The following MRC2 variants were observed in gnomAD, a reference collection of about 807,000 sequenced individuals.
MRC2 encodes mannose receptor C-type 2, also known as C-type mannose receptor 2.
Under a neutral mutation model 206.2 loss-of-function variants are expected in MRC2, and 84 were observed. The ratio of observed to expected loss-of-function variants is 0.41; its 90% CI spans 0.34 to 0.49. The LOEUF is 0.49. Among genes scored for constraint, MRC2 ranks in the 20% least tolerant of loss-of-function variants. MRC2 has a pLI of 0.31. For missense variants in MRC2, 1,676 were observed against 2,001.5 expected, an observed-to-expected ratio of 0.84 and a Z score of 3.10; for synonymous variants, 798 against 800.0, an observed-to-expected ratio of 1.00 and a Z score of 0.04.
chr17:62,679,876 A>G lies in MRC2; in HGVS notation c.2272A>G (p.Ser758Gly). ...CCGTCGGGATCCCAGAGGGGGTCAG[A>G]GTTGGCGCTGGAGCGACGGCGTAGG... is the stretch of plus-strand genomic sequence containing the variant. ...LNRRDPRGGQ[S>G]WRWSDGVGFS... is the part of the protein sequence containing the mutation. The change falls in exon 14 of 30, where the codon AGT becomes GGT. Residue 758 changes from serine to glycine, a missense_variant. Coordinates refer to ENST00000303375, the MANE Select transcript of MRC2 (RefSeq NM_006039.5). The G allele has an allele frequency of 6.3e-7, 1 of 1,593,766 alleles. No individual in the cohort carries two copies. Among genetic ancestry groups the G allele is most frequent in the Non-Finnish European group, 8.6e-7 (1 of 1,168,766 alleles).
chr17:62,663,982 C>T (rs1419557365), intron 1 of MRC2, among the ~76,000 whole-genome samples: 24 of 126,878 alleles, frequency 1.9e-4, no homozygotes, highest in African/African-American at 6.7e-4. Context: ...TTTTTTGAGA[C>T]GGAGTCTCGC....
chr17:62,664,180 C>T lies in MRC2; in HGVS notation c.119-368C>T, dbSNP rs1359468338. On this transcript the variant is annotated intron_variant, in intron 1 of 29. Coordinates refer to ENST00000303375, the MANE Select transcript of MRC2 (RefSeq NM_006039.5). This position sits in a 1 kb window ranked among gnomAD's most constrained non-coding sequence, Gnocchi z 4.7. ...TTCACCGTTTTAGCCGGGATGGTCT[C>T]GATCTCCTGACCTCGTGATCCGCCC... 1.1e-4 allele frequency among the ~76,000 whole-genome samples: 17 copies of T among 152,004 alleles called. No homozygotes were observed. In the East Asian group the frequency reaches 2.5e-3, roughly 23 times the overall value.
chr17:62,641,806 A>G (rs2088407609), intron 1 of MRC2, among the ~76,000 whole-genome samples: 1 of 152,152 alleles, frequency 6.6e-6, no homozygotes, highest in Non-Finnish European at 1.5e-5. Flanking sequence ...CACTGGAAAA[A>G]CTGAAAAAAT....
rs1168232368 is a variant in MRC2, at chr17:62,682,271, C to T, written c.2840C>T (p.Pro947Leu). ...WGDQRCLTAL[P>L]YICKRSNVTK... is the part of the protein sequence containing the mutation. ...GACCAGAGGTGCCTGACAGCCTTGCCCTACATCTGCAAGCGCAGCAACGTC... is the reference window on the plus strand; with the variant it reads ...GACCAGAGGTGCCTGACAGCCTTGCTCTACATCTGCAAGCGCAGCAACGTC... The change falls in exon 20 of 30, where the codon CCC becomes CTC. Residue 947 changes from proline (P) to leucine (L), a missense_variant. This residue lies in a region of MRC2 where 1,354 missense variants were observed against 1,636.6 expected (regional missense o/e 0.83). Transcript: ENST00000303375. 1 of 1,603,208 alleles carries T rather than the reference C, an allele frequency of 6.2e-7. No individual in the cohort carries two copies. Among genetic ancestry groups the T allele is most frequent in the Non-Finnish European group, 8.5e-7 (1 of 1,174,544 alleles).
intron 1 of MRC2, among the ~76,000 whole-genome samples, chr17:62,657,220 T>C (rs186471769): frequency 2.0e-5 from 3 of 152,194 alleles, no homozygotes; most frequent in Non-Finnish European, 4.4e-5. Flanking sequence ...CATGTCTTCA[T>C]TGTAGAGCCC....
intron 9 of MRC2, 27 bp downstream of exon 9, chr17:62,674,197 AGTG>A (rs1451181593): frequency 1.3e-6 from 2 of 1,501,958 alleles, no homozygotes; most frequent in Non-Finnish European, 1.8e-6. Context: ...AGCTGCCCTG[AGTG>A]GGGCCACCTG....
chr17:62,651,637 C>T (rs1433706458), intron 1 of MRC2, among the ~76,000 whole-genome samples: 1 of 152,172 alleles, frequency 6.6e-6, no homozygotes, highest in Non-Finnish European at 1.5e-5. Flanking sequence ...TGCAGTGGTG[C>T]GATCTGGGCT....
Position 62,688,978 on chromosome 17 carries a change from C to A in MRC2, c.3334+18C>A. On this transcript the variant is annotated intron_variant, in intron 23 of 29. Transcript: ENST00000303375. ...GGGCACGGGTATGTGTCACCAGTCA[C>A]CTGGGAAACCCCAGTGGGGCCCTGG... The A allele has an allele frequency of 6.2e-7, 1 of 1,601,972 alleles. No homozygotes were observed. The highest frequency in any genetic ancestry group is 2.2e-5 in the East Asian group (1 of 44,742).
intron 1 of MRC2, among the ~76,000 whole-genome samples, chr17:62,645,663 A>G (rs1479856013): frequency 6.7e-6 from 1 of 149,292 alleles, no homozygotes; most frequent in Non-Finnish European, 1.5e-5. Flanking sequence ...ACTCCTGAGT[A>G]AGCAGGACCA....
rs983712423 is a variant in MRC2, at chr17:62,646,259, C to T, written c.119-18289C>T. On this transcript the variant is annotated intron_variant, in intron 1 of 29. Coordinates refer to ENST00000303375, the MANE Select transcript of MRC2 (RefSeq NM_006039.5). ...CAGGATTGTCTTGATCTCCTGACCT[C>T]GTGATCCACCTGCCTCAGCCTCCCA... 4.0e-5 allele frequency among the ~76,000 whole-genome samples: 6 copies of T among 151,374 alleles called. 1 individual carries two copies. Among genetic ancestry groups the T allele is most frequent in the Admixed American group, 2.0e-4 (3 of 15,196 alleles).
At chr17:62,657,839 T>G (rs1324736912) in intron 1 of MRC2, among the ~76,000 whole-genome samples, 1 of 152,064 alleles carries the variant, frequency 6.6e-6, no homozygotes, top group Non-Finnish European at 1.5e-5. Flanking sequence ...CACTAGGCCT[T>G]GGAGAAAGAG....
At position 62,679,626 on chromosome 17, in the gene MRC2, C is replaced by T. The variant is rs79894221; in HGVS notation, c.2196-174C>T. ...CCCCAGCTCTGTCTTGTGGGGAGAA[C>T]TTTACCGAAGTGACCTCAACGCTGT... On this transcript the variant is annotated intron_variant, in intron 13 of 29. Transcript: ENST00000303375. 250 of 556,916 alleles carry T rather than the reference C, an allele frequency of 4.5e-4. 1 individual carries two copies. The highest frequency in any genetic ancestry group is 3.6e-3 in the African/African-American group (190 of 52,880). 34.5% of individuals were successfully genotyped at this position (556,916 alleles called of 1,614,324 possible). A position where few individuals can be genotyped will look rare whatever the true frequency, so the allele number is the denominator to read the frequency against.
chr17:62,665,140 C>G (rs942443890), intron 2 of MRC2, among the ~76,000 whole-genome samples, 191 bp downstream of exon 2: 1 of 152,206 alleles, frequency 6.6e-6, no homozygotes, highest in African/African-American at 2.4e-5. Context: ...TGGCTCACGC[C>G]TGTAATCCCA....
intron 1 of MRC2, among the ~76,000 whole-genome samples, chr17:62,641,417 G>A (rs750142583): frequency 3.9e-5 from 6 of 152,042 alleles, no homozygotes; most frequent in Non-Finnish European, 8.8e-5. Context: ...ACAGTGGGGA[G>A]AACGACTCCC....
chr17:62,676,636 G>A, intron 11 of MRC2, 105 bp downstream of exon 11: 1 of 1,377,406 alleles, frequency 7.3e-7, no homozygotes, highest in Non-Finnish European at 9.8e-7. Context: ...CAGATCATTG[G>A]TGCACTGTGG....
intron 20 of MRC2, among the ~76,000 whole-genome samples, chr17:62,687,452 G>A (rs938295461): frequency 1.3e-5 from 2 of 152,330 alleles, no homozygotes; most frequent in South Asian, 4.1e-4. Flanking sequence ...GAGCCACCGT[G>A]CCTGGCCAAC....
At chr17:62,681,677 A>G in intron 18 of MRC2, 160 bp from the exon 19 acceptor site, 1 of 609,910 alleles carries the variant, frequency 1.6e-6, no homozygotes, top group Non-Finnish European at 2.9e-6. Context: ...TGGGTCTTTG[A>G]CTGCCCTGAG....
rs566814053 is a variant in MRC2, at chr17:62,671,566, G to A, written c.1118-83G>A. 1.6e-5 allele frequency: 21 copies of A among 1,333,572 alleles called. No homozygotes were observed. Among genetic ancestry groups the A allele is most frequent in the African/African-American group, 5.8e-5 (4 of 68,398 alleles). 82.6% of individuals were successfully genotyped at this position (1,333,572 alleles called of 1,614,324 possible). On this transcript the variant is annotated intron_variant, in intron 6 of 29. Coordinates refer to ENST00000303375, the MANE Select transcript of MRC2 (RefSeq NM_006039.5). This position sits in a 1 kb window ranked among gnomAD's most constrained non-coding sequence, Gnocchi z 4.5. ...GGAGAGGAGGTGACTGGGAGGCCTCGCCTGTGTTGACGTCAACCCAGTGGG... is the reference window on the plus strand; with the variant it reads ...GGAGAGGAGGTGACTGGGAGGCCTCACCTGTGTTGACGTCAACCCAGTGGG...
rs1400493365 is a variant in MRC2 at position 62,667,038 on chromosome 17, C to T, written c.973+168C>T. ...CGCCCCCCTAGCCCATGTAGGGCGGCGCTGCCCCAGGCCGAAGGTCTTGGT... is the reference window on the plus strand; with the variant it reads ...CGCCCCCCTAGCCCATGTAGGGCGGTGCTGCCCCAGGCCGAAGGTCTTGGT... On this transcript the variant is annotated intron_variant, in intron 5 of 29. Transcript: ENST00000303375. This position sits in a 1 kb window ranked among gnomAD's most constrained non-coding sequence, Gnocchi z 4.1. Among the ~76,000 whole-genome samples, 2 of 152,080 alleles carry T rather than the reference C, an allele frequency of 1.3e-5. No individual in the cohort carries two copies. Among genetic ancestry groups the T allele is most frequent in the Non-Finnish European group, 2.9e-5 (2 of 67,994 alleles).
Sources: gnomAD v4.1 joint callset for allele counts (sites outside exome capture counted in the v4.1 genomes callset) on GRCh38, gnomAD v4.1.1 for gene constraint, gnomAD v4.1.1 regional missense constraint, Gnocchi (gnomAD v3.1) non-coding constraint, MANE v1.5 for transcripts, NCBI Gene and HGNC (gene_info 2026-07-23, HGNC 2026-07-21) for gene names.